Variants in CRACD observed in about 807,000 individuals in gnomAD.
The protein encoded by CRACD is capping protein inhibiting regulator of actin dynamics, also known as capping protein-inhibiting regulator of actin dynamics.
In CRACD, 56 loss-of-function variants were observed where a neutral mutation model predicts 106.8. The observed-to-expected ratio is 0.52, with a 90% CI of 0.42 to 0.66. The LOEUF (loss-of-function observed/expected upper bound fraction) is 0.66, where lower values mean the gene tolerates loss of function less well. CRACD is among the 30% of genes least tolerant of loss of function. The pLI is 0.00. For synonymous variants in CRACD, 754 were observed against 670.8 expected (o/e 1.12, Z -1.92); for missense variants, 1,730 against 1,623.2 (o/e 1.07, Z -1.13).
chr4:56,083,985 T>C (rs987719779), intron 1 of CRACD, among the ~76,000 whole-genome samples: 1 of 152,062 alleles, frequency 6.6e-6, no homozygotes, highest in African/African-American at 2.4e-5. Flanking sequence ...TCAAAAAATA[T>C]ATGTATGTAT....
rs1269427205 is a variant in CRACD at position 56,314,550 on chromosome 4, G to A, written c.1048G>A (p.Glu350Lys). 2 of 1,508,796 alleles carry A rather than the reference G, an allele frequency of 1.3e-6. No homozygotes were observed. Among genetic ancestry groups the A allele is most frequent in the South Asian group, 1.3e-5 (1 of 77,370 alleles). The allele number at this position is 1,508,796 out of a possible 1,614,324, so 93.5% of individuals were successfully genotyped here. ...GGAGGAGCGGAGGCGGCAGGAGGAGGAGGAAGGAAGATGCGCGGAGGAGCT... is the reference window on the plus strand; with the variant it reads ...GGAGGAGCGGAGGCGGCAGGAGGAGAAGGAAGGAAGATGCGCGGAGGAGCT... ...RLEERRRQEE[E>K]EGRCAEELKR... Residue 350 changes from glutamate (E) to lysine (K), a missense_variant, in exon 8 of 11, where the codon GAG (glutamate) becomes AAG (lysine). Physicochemically the swap from Glu to Lys is moderately conservative, Grantham distance 56 (BLOSUM62 1). Around this residue, in one of 5 missense-constraint regions of CRACD, gnomAD observed 1,620 missense variants for 1,481.6 expected, o/e 1.09. Coordinates refer to ENST00000682029, the MANE Select transcript of CRACD (RefSeq NM_001393381.1). This position sits in a 1 kb window ranked among gnomAD's most constrained non-coding sequence, Gnocchi z 4.4.
At chr4:56,106,262 G>T (rs1216735064) in intron 1 of CRACD, among the ~76,000 whole-genome samples, 1 of 152,134 alleles carries the variant, frequency 6.6e-6, no homozygotes, top group Non-Finnish European at 1.5e-5. Context: ...CTCTCCTTTA[G>T]ACTTCCCCTG....
intron 1 of CRACD, among the ~76,000 whole-genome samples, chr4:56,110,979 A>G (rs187937064): frequency 1.5e-4 from 23 of 152,334 alleles, no homozygotes; most frequent in African/African-American, 5.5e-4. Flanking sequence ...AACTGAAACA[A>G]TTAGTCACTC....
At chr4:56,178,092 G>C (rs945702139) in intron 1 of CRACD, among the ~76,000 whole-genome samples, 3 of 152,136 alleles carry the variant, frequency 2.0e-5, no homozygotes, top group African/African-American at 7.2e-5. Context: ...AGGTGCCAAT[G>C]CCAAATGTTG....
intron 4 of CRACD, among the ~76,000 whole-genome samples, chr4:56,307,144 T>C (rs1744777795): frequency 6.6e-6 from 1 of 152,216 alleles, no homozygotes; most frequent in African/African-American, 2.4e-5. Context: ...CTGTTTTCTA[T>C]AATTTTTTTT....
chr4:56,141,150 G>A (rs1036432003), intron 1 of CRACD, among the ~76,000 whole-genome samples: 4 of 152,150 alleles, frequency 2.6e-5, no homozygotes, highest in African/African-American at 9.7e-5. Context: ...GGCATGTTAT[G>A]AGAGACAAAC....
intron 3 of CRACD, among the ~76,000 whole-genome samples, chr4:56,282,107 AT>A (rs2109674433): frequency 6.6e-6 from 1 of 152,312 alleles, no homozygotes; most frequent in South Asian, 2.1e-4. Flanking sequence ...TTAACATTTC[AT>A]TTGAATGAGA....
At chr4:56,107,738 G>A (rs1733995473) in intron 1 of CRACD, among the ~76,000 whole-genome samples, 1 of 152,292 alleles carries the variant, frequency 6.6e-6, no homozygotes, top group Middle Eastern at 3.4e-3. Context: ...GCTGAGATGG[G>A]CATTTACTGC....
At chr4:56,236,168 A>T (rs966216321) in intron 2 of CRACD, among the ~76,000 whole-genome samples, 2 of 152,172 alleles carry the variant, frequency 1.3e-5, no homozygotes, top group Admixed American at 1.3e-4. Flanking sequence ...TGATGTCCTT[A>T]AAAGGGGGAC....
chr4:56,126,580 C>T (rs1734666921), intron 1 of CRACD, among the ~76,000 whole-genome samples: 1 of 152,120 alleles, frequency 6.6e-6, no homozygotes. Context: ...GTAGACTCTC[C>T]AGTTTATATC....
At chr4:56,100,154 A>G (rs1733731678) in intron 1 of CRACD, among the ~76,000 whole-genome samples, 1 of 152,046 alleles carries the variant, frequency 6.6e-6, no homozygotes, top group Admixed American at 6.5e-5. Flanking sequence ...GAGGCAGGAG[A>G]ATTGTTTGAA....
intron 1 of CRACD, among the ~76,000 whole-genome samples, chr4:56,105,534 T>C (rs1461201897): frequency 2.0e-5 from 3 of 152,214 alleles, no homozygotes; most frequent in African/African-American, 4.8e-5. Context: ...ACGTATCTTA[T>C]GGTTGTATGA....
intron 2 of CRACD, among the ~76,000 whole-genome samples, chr4:56,243,438 G>A (rs1740487281): frequency 2.6e-5 from 4 of 152,176 alleles, no homozygotes; most frequent in Admixed American, 2.6e-4. Flanking sequence ...AGAGAGAAAT[G>A]AACTCCTAAC....
chr4:56,320,369 G>C (rs1475224412), intron 8 of CRACD, among the ~76,000 whole-genome samples: 1 of 152,118 alleles, frequency 6.6e-6, no homozygotes, highest in Non-Finnish European at 1.5e-5. Context: ...GAATGAGAGA[G>C]AATGGGTTTA....
In CRACD at chr4:56,243,052, C is replaced by A. The variant is rs948583787; in HGVS notation, c.-188-29269C>A. On this transcript the variant is annotated intron_variant, in intron 2 of 10. Transcript: ENST00000682029. ...CCCCCACTGTCTATTTTCCCTTTAT[C>A]CTTTTTACTAATAGAACTTCCCCAA... 2.3e-4 allele frequency among the ~76,000 whole-genome samples: 35 copies of A among 152,272 alleles called. No homozygotes were observed. In the Middle Eastern group the frequency reaches 0.01, roughly 44 times the overall value.
intron 1 of CRACD, among the ~76,000 whole-genome samples, chr4:56,158,453 T>C (rs538776521): frequency 6.6e-6 from 1 of 152,338 alleles, no homozygotes; most frequent in East Asian, 1.9e-4. Context: ...CTTGCCTTCT[T>C]CCATCAAGGT....
At chr4:56,300,768 C>G (rs142922229) in intron 4 of CRACD, among the ~76,000 whole-genome samples, 3 of 152,080 alleles carry the variant, frequency 2.0e-5, no homozygotes, top group South Asian at 2.1e-4. Context: ...GCCACTGCCA[C>G]GCCAAGAAGT....
intron 1 of CRACD, among the ~76,000 whole-genome samples, chr4:56,143,986 C>G (rs1346856203): frequency 6.6e-6 from 1 of 152,066 alleles, no homozygotes; most frequent in Non-Finnish European, 1.5e-5. Flanking sequence ...TAAGAGGAGT[C>G]TCTGTTACAG....
chr4:56,107,273 C>T (rs1026421034), intron 1 of CRACD, among the ~76,000 whole-genome samples: 3 of 152,084 alleles, frequency 2.0e-5, no homozygotes, highest in African/African-American at 7.2e-5. Context: ...GAGCCACCGG[C>T]GCCCAGCCTG....
Sources: allele counts gnomAD v4.1 joint callset (sites outside exome capture counted in the v4.1 genomes callset), GRCh38; gene constraint gnomAD v4.1.1; regional missense constraint gnomAD v4.1.1; non-coding constraint Gnocchi (gnomAD v3.1); transcripts MANE v1.5; gene names NCBI Gene and HGNC (gene_info 2026-07-23, HGNC 2026-07-21).